MFSD2B: variants seen among roughly 807,000 people sequenced by gnomAD.
The protein encoded by MFSD2B is MFSD2 lysolipid transporter B, sphingolipid.
In MFSD2B, 56 loss-of-function variants were observed where a neutral mutation model predicts 58.4. The observed-to-expected ratio is 0.96, with a 90% CI of 0.77 to 1.20. The LOEUF is 1.20. Among genes scored for constraint, MFSD2B ranks in the 50% most tolerant of loss-of-function variants. The pLI is 0.00. For missense variants in MFSD2B, 645 were observed against 667.6 expected, an observed-to-expected ratio of 0.97 and a Z score of 0.37; for synonymous variants, 287 against 294.4, an observed-to-expected ratio of 0.97 and a Z score of 0.26.
Position 24,025,752 on chromosome 2 carries a change from A to G in MFSD2B, c.*296A>G. On this transcript the variant is annotated 3_prime_UTR_variant, in exon 14 of 14. Transcript: ENST00000338315. ...GCCCAACCTGGCTTGTGGACCAGTA[A>G]TATCTGTGGCCTACCACCCATTCAA... The G allele has an allele frequency of 2.6e-6, 1 of 385,250 alleles. No homozygotes were observed. Among genetic ancestry groups the G allele is most frequent in the Non-Finnish European group, 4.7e-6 (1 of 213,276 alleles). The allele number at this position is 385,250 out of a possible 1,614,324, so 23.9% of individuals were successfully genotyped here.
rs1328067042 is a variant in MFSD2B at position 24,012,015 on chromosome 2, G to C, written c.97-1270G>C. Among the ~76,000 whole-genome samples, 1 of 152,160 alleles carries C rather than the reference G, an allele frequency of 6.6e-6. No homozygotes were observed. Among genetic ancestry groups the C allele is most frequent in the Non-Finnish European group, 1.5e-5 (1 of 68,042 alleles). Reference sequence around the variant, plus strand: ...GAAGGAGCCCGGCGTGGCTGAAGGAGAGCTATTTGAGGTGAGGTGGGTAGG... The same window carrying C: ...GAAGGAGCCCGGCGTGGCTGAAGGACAGCTATTTGAGGTGAGGTGGGTAGG... On this transcript the variant is annotated intron_variant, in intron 1 of 13. Coordinates refer to ENST00000338315, the MANE Select transcript of MFSD2B (RefSeq NM_001346880.2). This position sits in a 1 kb window ranked among gnomAD's most constrained non-coding sequence, Gnocchi z 4.5.
At chr2:24,010,645 G>A (rs947188585) in intron 1 of MFSD2B, among the ~76,000 whole-genome samples, 39 of 152,298 alleles carry the variant, frequency 2.6e-4, no homozygotes, top group African/African-American at 9.1e-4. Flanking sequence ...CCTCAGGGAA[G>A]GTCCTGGCCA....
chr2:24,022,508 A>C lies in MFSD2B; in HGVS notation c.970A>C (p.Thr324Pro). 1 of 1,612,768 alleles carries C rather than the reference A, an allele frequency of 6.2e-7. No individual in the cohort carries two copies. The highest frequency in any genetic ancestry group is 1.3e-5 in the African/African-American group (1 of 75,030). ...LHDHVQGLVLTVLVSAVLSTP... is the reference protein window; with the variant it reads ...LHDHVQGLVLPVLVSAVLSTP... ...CGACCACGTCCAGGGCCTGGTACTA[A>C]CTGTCCTGGTGAGGGGGCCTGGGGT... The change falls in exon 9 of 14, where the codon ACT (threonine) becomes CCT (proline). Residue 324 changes from threonine to proline, a missense_variant. Transcript: ENST00000338315. The surrounding 1 kb of genome is among the most constrained non-coding windows in gnomAD (Gnocchi z 4.5).
chr2:24,013,242 T>G (rs769324394), intron 1 of MFSD2B, 43 bp from the exon 2 acceptor site: 4 of 1,542,780 alleles, frequency 2.6e-6, no homozygotes, highest in South Asian at 1.2e-5. Context: ...GGACCTGTTT[T>G]GTGTCTGTTG....
In MFSD2B at chr2:24,021,728, G is replaced by A. The variant is rs1304799771; in HGVS notation, c.762G>A (p.Lys254=). The change falls in exon 7 of 14, where the codon AAG becomes AAA. Residue 254 remains lysine, a synonymous_variant. Transcript: ENST00000338315. The surrounding 1 kb of genome is among the most constrained non-coding windows in gnomAD (Gnocchi z 5.7). ...VCISLLCLGV[K]ERPDPSAPAS... ...TCAGTTTACTGTGCCTAGGGGTGAA[G>A]GAGCGGCCAGGTATGGGGTTTGGTG... is the stretch of plus-strand genomic sequence containing the variant. 7 of 1,613,368 alleles carry A rather than the reference G, an allele frequency of 4.3e-6. No individual in the cohort carries two copies. The Admixed American group carries it at 5.0e-5, about 12-fold the overall frequency.
chr2:24,017,410 T>C lies in MFSD2B; in HGVS notation c.550+46T>C. 6.3e-7 allele frequency: 1 copy of C among 1,596,972 alleles called. No individual in the cohort carries two copies. On this transcript the variant is annotated intron_variant, in intron 5 of 13. Coordinates refer to ENST00000338315, the MANE Select transcript of MFSD2B (RefSeq NM_001346880.2). The surrounding 1 kb of genome is among the most constrained non-coding windows in gnomAD (Gnocchi z 4.8). ...CGGGTTCCAGGGAGGCAACTGCCCC[T>C]GGGACCCCACTCCCTCTCAGTCACC...
Position 24,017,321 on chromosome 2 carries a change from G to T in MFSD2B, c.507G>T (p.Leu169=). The T allele has an allele frequency of 6.2e-7, 1 of 1,606,156 alleles. No homozygotes were observed. The change falls in exon 5 of 14, where the codon CTG becomes CTT. Residue 169 remains leucine (L), a synonymous_variant. Transcript: ENST00000338315. This position sits in a 1 kb window ranked among gnomAD's most constrained non-coding sequence, Gnocchi z 4.8. ...TGCCCTACACAGCGCTCACCATGCT[G>T]CTGACTCCCTGCCCAAGGGAGCGGG... ...FQVPYTALTM[L]LTPCPRERDS...
rs1302992845 is a variant in MFSD2B, at chr2:24,016,204, G to A, written c.271G>A (p.Gly91Arg). 4 of 1,613,844 alleles carry A rather than the reference G, an allele frequency of 2.5e-6. No individual in the cohort carries two copies. The African/African-American group carries it at 5.3e-5, about 22-fold the overall frequency. Reference protein sequence around the residue: ...SLVLFGGKVSGAAADPVAGFF... With the variant: ...SLVLFGGKVSRAAADPVAGFF... Reference sequence around the variant, plus strand: ...TGTTCTGTTTGGGGGAAAAGTGTCTGGGGCGGCTGCTGACCCTGTGGCTGG... The same window carrying A: ...TGTTCTGTTTGGGGGAAAAGTGTCTAGGGCGGCTGCTGACCCTGTGGCTGG... The change falls in exon 3 of 14, where the codon GGG (glycine) becomes AGG (arginine). Residue 91 changes from glycine to arginine, a missense_variant. Coordinates refer to ENST00000338315, the MANE Select transcript of MFSD2B (RefSeq NM_001346880.2).
At position 24,023,617 on chromosome 2, in the gene MFSD2B, C is replaced by T. The variant is rs1662879656; in HGVS notation, c.1204C>T (p.Leu402=). 1 of 1,613,840 alleles carries T rather than the reference C, an allele frequency of 6.2e-7. No homozygotes were observed. Among genetic ancestry groups the T allele is most frequent in the African/African-American group, 1.3e-5 (1 of 74,934 alleles). ...GCCAGACGTGGTGGATGACTTTCAG[C>T]TGCAGCACCGTCACGGGCCAGGCCT... ...MLPDVVDDFQ[L]QHRHGPGLET... Residue 402 remains leucine, a synonymous_variant, in exon 12 of 14, where the codon CTG becomes TTG. Coordinates refer to ENST00000338315, the MANE Select transcript of MFSD2B (RefSeq NM_001346880.2). The surrounding 1 kb of genome is among the most constrained non-coding windows in gnomAD (Gnocchi z 5.0).
rs759871444 is a variant in MFSD2B at position 24,021,835 on chromosome 2, C to A, written c.773-14C>A. 1.2e-6 allele frequency: 2 copies of A among 1,613,864 alleles called. No homozygotes were observed. Among genetic ancestry groups the A allele is most frequent in the Admixed American group, 1.7e-5 (1 of 60,026 alleles). Reference sequence around the variant, plus strand: ...AACTCTGCGAAGCCAAGGTGACACGCTTCTGCGTTGCAGACCCCTCTGCCC... The same window carrying A: ...AACTCTGCGAAGCCAAGGTGACACGATTCTGCGTTGCAGACCCCTCTGCCC... On this transcript the variant is annotated splice_polypyrimidine_tract_variant and intron_variant, in intron 7 of 13. Coordinates refer to ENST00000338315, the MANE Select transcript of MFSD2B (RefSeq NM_001346880.2). The surrounding 1 kb of genome is among the most constrained non-coding windows in gnomAD (Gnocchi z 5.7).
chr2:24,023,610 C>A lies in MFSD2B; in HGVS notation c.1197C>A (p.Asp399Glu). ...PWSMLPDVVD[D>E]FQLQHRHGPG... Reference sequence around the variant, plus strand: ...CCATGCTGCCAGACGTGGTGGATGACTTTCAGCTGCAGCACCGTCACGGGC... The same window carrying A: ...CCATGCTGCCAGACGTGGTGGATGAATTTCAGCTGCAGCACCGTCACGGGC... The change falls in exon 12 of 14, where the codon GAC (aspartate) becomes GAA (glutamate). Residue 399 changes from aspartate to glutamate, a missense_variant. Asp to Glu is a conservative substitution (Grantham distance 45). Transcript: ENST00000338315. The surrounding 1 kb of genome is among the most constrained non-coding windows in gnomAD (Gnocchi z 5.0). 1.2e-6 allele frequency: 2 copies of A among 1,613,950 alleles called. No individual in the cohort carries two copies. Among genetic ancestry groups the A allele is most frequent in the African/African-American group, 2.7e-5 (2 of 75,054 alleles).
In MFSD2B at chr2:24,012,740, A is replaced by G. The variant is rs1265854552; in HGVS notation, c.97-545A>G. ...AGCTGGATTAGACAATGGAATGGCCATCAGGAGCTGTATGTAGACCATGCT... is the reference window on the plus strand; with the variant it reads ...AGCTGGATTAGACAATGGAATGGCCGTCAGGAGCTGTATGTAGACCATGCT... On this transcript the variant is annotated intron_variant, in intron 1 of 13. Coordinates refer to ENST00000338315, the MANE Select transcript of MFSD2B (RefSeq NM_001346880.2). This position sits in a 1 kb window ranked among gnomAD's most constrained non-coding sequence, Gnocchi z 4.5. Among the ~76,000 whole-genome samples the G allele has an allele frequency of 6.6e-6, 1 of 152,240 alleles. No individual in the cohort carries two copies. The highest frequency in any genetic ancestry group is 1.5e-5 in the Non-Finnish European group (1 of 68,040).
chr2:24,012,147 ACAAAAC>A lies in MFSD2B; in HGVS notation c.97-1137_97-1132del, dbSNP rs1419688541. ...GATCTGGAAACAAACAAACAAACAA[ACAAAAC>A]ACACACACACACACACACACACACA... On this transcript the variant is annotated intron_variant, in intron 1 of 13. Coordinates refer to ENST00000338315, the MANE Select transcript of MFSD2B (RefSeq NM_001346880.2). The surrounding 1 kb of genome is among the most constrained non-coding windows in gnomAD (Gnocchi z 4.5). 1.8e-3 allele frequency among the ~76,000 whole-genome samples: 235 copies of A among 128,296 alleles called. 1 individual carries two copies. Among genetic ancestry groups the A allele is most frequent in the African/African-American group, 6.3e-3 (228 of 36,116 alleles). The allele number at this position is 128,296 out of a possible 152,430, so 84.2% of individuals were successfully genotyped here. A position where few individuals can be genotyped will look rare whatever the true frequency, so the allele number is the denominator to read the frequency against.
Position 24,017,307 on chromosome 2 carries a change from G to A in MFSD2B, c.493G>A (p.Ala165Thr). 6.2e-7 allele frequency: 1 copy of A among 1,604,508 alleles called. No individual in the cohort carries two copies. The highest frequency in any genetic ancestry group is 8.5e-7 in the Non-Finnish European group (1 of 1,176,092). ...CCAGTTCTTCCAGGTGCCCTACACA[G>A]CGCTCACCATGCTGCTGACTCCCTG... Reference protein sequence around the residue: ...LATFFQVPYTALTMLLTPCPR... With the variant: ...LATFFQVPYTTLTMLLTPCPR... The change falls in exon 5 of 14, where the codon GCG becomes ACG. Residue 165 changes from alanine (A) to threonine (T), a missense_variant. Physicochemically the swap from Ala to Thr is moderately conservative, Grantham distance 58. Transcript: ENST00000338315. The surrounding 1 kb of genome is among the most constrained non-coding windows in gnomAD (Gnocchi z 4.8).
In MFSD2B at chr2:24,024,301, G is replaced by A. The variant is rs752795852; in HGVS notation, c.1490+30G>A. 7 of 1,567,452 alleles carry A rather than the reference G, an allele frequency of 4.5e-6. No individual in the cohort carries two copies. Among genetic ancestry groups the A allele is most frequent in the Middle Eastern group, 3.5e-4 (2 of 5,712 alleles). ...GCCCCGCACGCCCCCTGCAGCCAGC[G>A]AGGCACAGTGTGGGCTGCTGGGGGA... On this transcript the variant is annotated intron_variant, in intron 13 of 13. Coordinates refer to ENST00000338315, the MANE Select transcript of MFSD2B (RefSeq NM_001346880.2). The surrounding 1 kb of genome is among the most constrained non-coding windows in gnomAD (Gnocchi z 4.3).
chr2:24,019,692 C>T (rs1662686895), intron 6 of MFSD2B, among the ~76,000 whole-genome samples: 1 of 152,150 alleles, frequency 6.6e-6, no homozygotes, highest in African/African-American at 2.4e-5. Flanking sequence ...CATTGCACTC[C>T]AGCCTGGGCA....
In MFSD2B at chr2:24,023,135, G is replaced by T; in HGVS notation, c.1065G>T (p.Met355Ile). The T allele has an allele frequency of 6.2e-7, 1 of 1,612,006 alleles. No homozygotes were observed. Among genetic ancestry groups the T allele is most frequent in the Non-Finnish European group, 8.5e-7 (1 of 1,179,618 alleles). Residue 355 changes from methionine to isoleucine, a missense_variant, in exon 11 of 14, where the codon ATG becomes ATT. Physicochemically the swap from Met to Ile is conservative, Grantham distance 10. Transcript: ENST00000338315. The surrounding 1 kb of genome is among the most constrained non-coding windows in gnomAD (Gnocchi z 5.0). ...TGGTGTGTGTGTCTCCCCAGGCGAT[G>T]GTGCCCTTTGCGATCTTGCTGGCTG... ...KKTSAFGIFA[M>I]VPFAILLAAV...
rs1456050137 is a variant in MFSD2B, at chr2:24,021,602, C to G, written c.682-46C>G. Reference sequence around the variant, plus strand: ...CCTGCCCCTCCGGTGTCACCACCTCCAGGGGTTGAAGACATCACCCATCCC... The same window carrying G: ...CCTGCCCCTCCGGTGTCACCACCTCGAGGGGTTGAAGACATCACCCATCCC... On this transcript the variant is annotated intron_variant, in intron 6 of 13. Coordinates refer to ENST00000338315, the MANE Select transcript of MFSD2B (RefSeq NM_001346880.2). The surrounding 1 kb of genome is among the most constrained non-coding windows in gnomAD (Gnocchi z 5.7). The G allele has an allele frequency of 1.0e-5, 16 of 1,549,130 alleles. No individual in the cohort carries two copies. The highest frequency in any genetic ancestry group is 1.4e-5 in the African/African-American group (1 of 73,476).
At position 24,022,535 on chromosome 2, in the gene MFSD2B, G is replaced by C. The variant is rs1662829989; in HGVS notation, c.978+19G>C. On this transcript the variant is annotated intron_variant, in intron 9 of 13. Coordinates refer to ENST00000338315, the MANE Select transcript of MFSD2B (RefSeq NM_001346880.2). This position sits in a 1 kb window ranked among gnomAD's most constrained non-coding sequence, Gnocchi z 4.5. ...TGTCCTGGTGAGGGGGCCTGGGGTG[G>C]TGGAGGCTAGGTCACTTGGGGCCCT... The C allele has an allele frequency of 6.2e-7, 1 of 1,601,710 alleles. No homozygotes were observed. Among genetic ancestry groups the C allele is most frequent in the African/African-American group, 1.3e-5 (1 of 74,706 alleles).
Sources: gnomAD v4.1 joint callset for allele counts (sites outside exome capture counted in the v4.1 genomes callset) on GRCh38, gnomAD v4.1.1 for gene constraint, Gnocchi (gnomAD v3.1) non-coding constraint, MANE v1.5 for transcripts, NCBI Gene and HGNC (gene_info 2026-07-23, HGNC 2026-07-21) for gene names.